Variants in CERS3 observed in about 807,000 individuals in gnomAD.
The protein encoded by CERS3 is ceramide synthase 3.
In CERS3, 33 loss-of-function variants were observed where a neutral mutation model predicts 50.3. The observed-to-expected ratio is 0.66, with a 90% CI of 0.50 to 0.88. The LOEUF (loss-of-function observed/expected upper bound fraction) is 0.88. CERS3 is among the 40% of genes least tolerant of loss of function. CERS3 has a pLI of 0.00. For missense variants in CERS3, 470 were observed against 460.3 expected, an observed-to-expected ratio of 1.02 and a Z score of -0.19; for synonymous variants, 176 against 155.2, an observed-to-expected ratio of 1.13 and a Z score of -0.99.
At chr15:100,411,747 C>G (rs2031507511) in intron 11 of CERS3, among the ~76,000 whole-genome samples, 1 of 152,118 alleles carries the variant, frequency 6.6e-6, no homozygotes, top group Non-Finnish European at 1.5e-5. Context: ...GTGACTGTAC[C>G]ATTCAGCAGT....
At chr15:100,436,546 G>A (rs895014756) in intron 11 of CERS3, among the ~76,000 whole-genome samples, 3 of 151,932 alleles carry the variant, frequency 2.0e-5, no homozygotes, top group Non-Finnish European at 4.4e-5. Flanking sequence ...CTAGGTGATG[G>A]GTTGATAGGT....
At chr15:100,535,638 T>C (rs1249663116) in intron 1 of CERS3, among the ~76,000 whole-genome samples, 2 of 150,984 alleles carry the variant, frequency 1.3e-5, no homozygotes, top group Non-Finnish European at 2.9e-5. Flanking sequence ...GAAGTATCCA[T>C]ATGTGCACGG....
intron 11 of CERS3, among the ~76,000 whole-genome samples, chr15:100,417,897 A>C (rs968378850): frequency 6.6e-6 from 1 of 151,994 alleles, no homozygotes; most frequent in African/African-American, 2.4e-5. Context: ...AAACTAACAA[A>C]CAGAAAGGAC....
intron 11 of CERS3, among the ~76,000 whole-genome samples, chr15:100,441,807 C>G (rs956675793): frequency 2.0e-5 from 3 of 151,534 alleles, no homozygotes; most frequent in Non-Finnish European, 2.9e-5. Context: ...CAGTCCCCCC[C>G]AGTCTGTGTT....
chr15:100,451,725 A>G (rs1241636449), intron 11 of CERS3, among the ~76,000 whole-genome samples: 2 of 151,246 alleles, frequency 1.3e-5, no homozygotes, highest in Non-Finnish European at 3.0e-5. Flanking sequence ...CAAAAAACAA[A>G]ACAAACAAAA....
chr15:100,444,099 G>C (rs1440620406), intron 11 of CERS3, among the ~76,000 whole-genome samples: 2 of 152,086 alleles, frequency 1.3e-5, no homozygotes, highest in East Asian at 1.9e-4. Flanking sequence ...TAGACTTTTT[G>C]TCCAAACAAC....
chr15:100,463,884 C>T (rs1472198914), intron 10 of CERS3, among the ~76,000 whole-genome samples: 1 of 152,212 alleles, frequency 6.6e-6, no homozygotes, highest in Non-Finnish European at 1.5e-5. Flanking sequence ...ACCAAGGCTT[C>T]AGGCCTTCAG....
intron 2 of CERS3, among the ~76,000 whole-genome samples, chr15:100,505,461 T>C (rs1461473229): frequency 6.6e-6 from 1 of 152,214 alleles, no homozygotes; most frequent in Non-Finnish European, 1.5e-5. Flanking sequence ...GAGTTGAGGA[T>C]GACCTCTTGG....
At chr15:100,442,785 A>C (rs1304251484) in intron 11 of CERS3, among the ~76,000 whole-genome samples, 1 of 152,212 alleles carries the variant, frequency 6.6e-6, no homozygotes, top group African/African-American at 2.4e-5. Context: ...ATCACCTCGG[A>C]AGCCCCCTAG....
intron 10 of CERS3, among the ~76,000 whole-genome samples, chr15:100,456,293 A>C (rs1456640185): frequency 2.0e-5 from 3 of 152,248 alleles, no homozygotes; most frequent in Non-Finnish European, 4.4e-5. Context: ...CCCAGTGTTT[A>C]AACTGGAATG....
At chr15:100,424,172 C>G (rs988987781) in intron 11 of CERS3, among the ~76,000 whole-genome samples, 2 of 152,070 alleles carry the variant, frequency 1.3e-5, no homozygotes, top group Admixed American at 6.6e-5. Context: ...AACTCCTGAC[C>G]TCAGGTGATT....
rs1491022682 is a variant in CERS3 at position 100,405,247 on chromosome 15, AAC to A, written c.1000-2384_1000-2383del. Reference sequence around the variant, plus strand: ...AAACTCAATGGTAAAAAAAAAAAAAAACAAAAAAAAACCCCTAATTTAAAAAA... The same window carrying A: ...AAACTCAATGGTAAAAAAAAAAAAAAAAAAAAAAACCCCTAATTTAAAAAA... On this transcript the variant is annotated intron_variant, in intron 11 of 11. Coordinates refer to ENST00000679737, the MANE Select transcript of CERS3 (RefSeq NM_001378789.1). Among the ~76,000 whole-genome samples the A allele has an allele frequency of 7.5e-3, 289 of 38,648 alleles. 3 individuals are homozygous for A. The highest frequency in any genetic ancestry group is 0.018 in the African/African-American group (271 of 14,858). The allele number at this position is 38,648 out of a possible 152,430, so 25.4% of individuals were successfully genotyped here.
intron 2 of CERS3, among the ~76,000 whole-genome samples, chr15:100,507,529 T>A (rs2036220699): frequency 6.6e-6 from 1 of 152,268 alleles, no homozygotes; most frequent in East Asian, 1.9e-4. Context: ...CAGCCTGTGA[T>A]AATCCACAGC....
intron 6 of CERS3, 32 bp from the exon 7 acceptor site, chr15:100,479,510 A>C: frequency 6.4e-7 from 1 of 1,564,834 alleles, no homozygotes; most frequent in Non-Finnish European, 8.7e-7. Flanking sequence ...GAGCCAACAG[A>C]TGAGAAATAA....
At chr15:100,500,625 T>C (rs999237625) in intron 3 of CERS3, 1 of 152,202 alleles carries the variant, frequency 6.6e-6, no homozygotes, top group Non-Finnish European at 1.5e-5. Context: ...TCTTGACATA[T>C]CCAAATACGT....
At chr15:100,450,965 T>C (rs886321098) in intron 11 of CERS3, among the ~76,000 whole-genome samples, 1 of 152,164 alleles carries the variant, frequency 6.6e-6, no homozygotes, top group Non-Finnish European at 1.5e-5. Context: ...TTATCTTTTA[T>C]AAATGTAGAA....
At chr15:100,490,478 CAATTAT>C (rs1382466362) in intron 4 of CERS3, among the ~76,000 whole-genome samples, 3 of 152,232 alleles carry the variant, frequency 2.0e-5, no homozygotes, top group South Asian at 4.1e-4. Context: ...TCTGCCCTAA[CAATTAT>C]ATTTCTTCAT....
intron 2 of CERS3, among the ~76,000 whole-genome samples, chr15:100,512,755 C>T (rs762350323): frequency 1.9e-4 from 29 of 152,082 alleles, no homozygotes; most frequent in African/African-American, 7.0e-4. Context: ...ATATCAAAGG[C>T]TGAGGGTATT....
chr15:100,471,201 A>T (rs1024525253), intron 9 of CERS3, among the ~76,000 whole-genome samples: 10 of 151,990 alleles, frequency 6.6e-5, no homozygotes, highest in African/African-American at 2.4e-4. Context: ...CCATGAGGGA[A>T]CCTCTAAGAT....
Sources: gnomAD v4.1 joint callset for allele counts (sites outside exome capture counted in the v4.1 genomes callset) on GRCh38, gnomAD v4.1.1 for gene constraint, MANE v1.5 for transcripts, NCBI Gene and HGNC (gene_info 2026-07-23, HGNC 2026-07-21) for gene names.